ROBO2: variants seen among roughly 807,000 people sequenced by gnomAD.
ROBO2 encodes the protein roundabout homolog 2.
In ROBO2, 53 loss-of-function variants were observed where a neutral mutation model predicts 160.8. That is an observed-to-expected ratio of 0.33 (90% CI 0.26 to 0.41). The LOEUF (loss-of-function observed/expected upper bound fraction) is 0.41, where lower values mean the gene tolerates loss of function less well. ROBO2 is among the 10% of genes least tolerant of loss of function. The pLI is 1.00. For synonymous variants in ROBO2, 664 were observed against 611.7 expected (o/e 1.09, Z -1.26); for missense variants, 1,577 against 1,722.4 (o/e 0.92, Z 1.49).
At chr3:76,077,746 A>C (rs1183955255) in intron 2 of ROBO2, among the ~76,000 whole-genome samples, 1 of 152,194 alleles carries the variant, frequency 6.6e-6, no homozygotes, top group Non-Finnish European at 1.5e-5. Flanking sequence ...AGATGTAAAG[A>C]CAAAAATGGA....
intron 2 of ROBO2, among the ~76,000 whole-genome samples, chr3:77,463,157 C>A (rs951696767): frequency 6.6e-6 from 1 of 152,120 alleles, no homozygotes; most frequent in Admixed American, 6.5e-5. Context: ...GCAGTACATA[C>A]TTGAATTTAA....
chr3:76,384,370 C>A (rs1177346392), intron 2 of ROBO2, among the ~76,000 whole-genome samples: 1 of 152,208 alleles, frequency 6.6e-6, no homozygotes, highest in Non-Finnish European at 1.5e-5. Flanking sequence ...GCCATCTAGA[C>A]CATTTTAGCC....
intron 2 of ROBO2, among the ~76,000 whole-genome samples, chr3:76,682,794 C>T (rs1425896678): frequency 6.6e-6 from 1 of 152,134 alleles, no homozygotes; most frequent in Admixed American, 6.6e-5. Context: ...ATGTGGAAGG[C>T]TGGAGAGTTA....
At chr3:75,944,443 T>G (rs915275862) in intron 2 of ROBO2, among the ~76,000 whole-genome samples, 1 of 152,182 alleles carries the variant, frequency 6.6e-6, no homozygotes, top group African/African-American at 2.4e-5. Context: ...CTTGTGTTAC[T>G]TATTACATTT....
At chr3:77,299,044 T>C (rs185765399) in intron 2 of ROBO2, among the ~76,000 whole-genome samples, 196 of 152,216 alleles carry the variant, frequency 1.3e-3, no homozygotes, top group Admixed American at 2.2e-3. Context: ...AAATTAGACA[T>C]TGAATGATAA....
chr3:76,524,826 TAAAAAAAAAAAAAAAAAAAAAAAAAA>T lies in ROBO2; in HGVS notation c.110-573173_110-573148del, dbSNP rs58091252. Among the ~76,000 whole-genome samples the T allele has an allele frequency of 2.3e-4, 5 of 21,740 alleles. No homozygotes were observed. In the South Asian group the frequency reaches 9.6e-3, roughly 42 times the overall value. The allele number at this position is 21,740 out of a possible 152,430, so 14.3% of individuals were successfully genotyped here. On this transcript the variant is annotated intron_variant, in intron 2 of 26. Transcript: ENST00000487694. ...TAAAAACCTATGACCCTCTTATTCCTAAAAAAAAAAAAAAAAAAAAAAAAAAAAAAAAAAAAAAAATAAGTAAAATC... is the reference window on the plus strand; with the variant it reads ...TAAAAACCTATGACCCTCTTATTCCTAAAAAAAAAAAAAATAAGTAAAATC...
chr3:76,401,754 T>C (rs993983703), intron 2 of ROBO2, among the ~76,000 whole-genome samples: 3 of 151,264 alleles, frequency 2.0e-5, no homozygotes, highest in East Asian at 1.9e-4. Flanking sequence ...AAAAAAACTA[T>C]CATAAAACTG....
intron 2 of ROBO2, among the ~76,000 whole-genome samples, chr3:77,175,175 T>C (rs1190726843): frequency 6.6e-6 from 1 of 152,058 alleles, no homozygotes; most frequent in Non-Finnish European, 1.5e-5. Context: ...ATATATTTAG[T>C]AGTAATTGTT....
At chr3:76,841,280 G>A (rs1354740114) in intron 2 of ROBO2, among the ~76,000 whole-genome samples, 2 of 152,084 alleles carry the variant, frequency 1.3e-5, no homozygotes, top group African/African-American at 2.4e-5. Flanking sequence ...AATCACTCAC[G>A]GAGCTTCTGA....
At chr3:76,560,955 T>G (rs944948384) in intron 2 of ROBO2, among the ~76,000 whole-genome samples, 7 of 145,760 alleles carry the variant, frequency 4.8e-5, no homozygotes, top group East Asian at 2.0e-4. Context: ...TATATATATA[T>G]ATATATATAT....
At chr3:76,680,536 CCAAAAGCTAG>C in intron 2 of ROBO2, among the ~76,000 whole-genome samples, 1 of 150,030 alleles carries the variant, frequency 6.7e-6, no homozygotes, top group South Asian at 2.1e-4. Flanking sequence ...TAGGCTGATG[CCAAAAGCTAG>C]CATGTTTGGT....
intron 2 of ROBO2, among the ~76,000 whole-genome samples, chr3:76,759,874 G>A (rs1465441689): frequency 6.6e-6 from 1 of 151,834 alleles, no homozygotes; most frequent in African/African-American, 2.4e-5. Flanking sequence ...CAGCGGCTCC[G>A]CGATTCTCTT....
chr3:76,175,166 TATTA>T (rs2073184426), intron 2 of ROBO2, among the ~76,000 whole-genome samples: 1 of 152,056 alleles, frequency 6.6e-6, no homozygotes. Flanking sequence ...TCTGCTTGTC[TATTA>T]TTGGTGTATA....
intron 2 of ROBO2, among the ~76,000 whole-genome samples, chr3:76,239,781 A>G (rs1362180026): frequency 6.6e-6 from 1 of 152,208 alleles, no homozygotes; most frequent in Non-Finnish European, 1.5e-5. Context: ...GTGCTTATCT[A>G]CAGTGACCTT....
intron 2 of ROBO2, among the ~76,000 whole-genome samples, chr3:76,524,564 C>T (rs79457461): frequency 1.1e-3 from 172 of 151,488 alleles, no homozygotes; most frequent in African/African-American, 2.9e-3. Context: ...GATTATGGGA[C>T]GCTTTTCAAT....
At position 77,293,397 on chromosome 3, in the gene ROBO2, T is replaced by G. The variant is rs555439656; in HGVS notation, c.389-184017T>G. 6.0e-3 allele frequency among the ~76,000 whole-genome samples: 873 copies of G among 145,482 alleles called. 7 individuals carry two copies. The highest frequency in any genetic ancestry group is 8.3e-3 in the Middle Eastern group (2 of 242). The stretch of plus-strand genomic sequence containing the variant: ...AGCTGAGGCTAGATCACCCCAGACA[T>G]AAAGTAAAATTGATGGTTAAACGGG... On this transcript the variant is annotated intron_variant, in intron 2 of 25. Transcript: ENST00000461745.
intron 2 of ROBO2, among the ~76,000 whole-genome samples, chr3:76,607,268 A>G (rs1174766444): frequency 6.6e-6 from 1 of 152,044 alleles, no homozygotes; most frequent in African/African-American, 2.4e-5. Context: ...GACATGAGCA[A>G]TCCTCTTGCC....
chr3:76,800,264 C>G (rs1236099759), intron 2 of ROBO2, among the ~76,000 whole-genome samples: 1 of 152,230 alleles, frequency 6.6e-6, no homozygotes, highest in African/African-American at 2.4e-5. Context: ...AACTGTAAAA[C>G]TACTAAACGG....
intron 2 of ROBO2, among the ~76,000 whole-genome samples, chr3:76,791,358 T>G (rs1008887486): frequency 6.6e-6 from 1 of 151,824 alleles, no homozygotes; most frequent in Non-Finnish European, 1.5e-5. Context: ...TCTCATGTTG[T>G]GCCAAAGGTA....
Sources: allele counts gnomAD v4.1 joint callset (sites outside exome capture counted in the v4.1 genomes callset), GRCh38; gene constraint gnomAD v4.1.1; transcripts MANE v1.5; gene names NCBI Gene and HGNC (gene_info 2026-07-23, HGNC 2026-07-21).